Variants in IL15RA observed in about 807,000 individuals in gnomAD.
The protein encoded by IL15RA is interleukin-15 receptor subunit alpha.
In IL15RA, 26 loss-of-function variants were observed where a neutral mutation model predicts 24.2. The ratio of observed to expected loss-of-function variants is 1.07; its 90% CI spans 0.79 to 1.49. The LOEUF (loss-of-function observed/expected upper bound fraction) is 1.49. Ranked by LOEUF, IL15RA falls within the 40% of genes most tolerant of loss-of-function variation. The pLI is 0.00. For synonymous variants in IL15RA, 166 were observed against 157.6 expected, an observed-to-expected ratio of 1.05 and a Z score of -0.40; for missense variants, 354 against 356.4, an observed-to-expected ratio of 0.99 and a Z score of 0.05.
rs189499456 is a variant in IL15RA at position 5,952,930 on chromosome 10, G to A, written c.*165C>T. On this transcript the variant is annotated 3_prime_UTR_variant, in exon 7 of 7. Coordinates refer to ENST00000379977, the MANE Select transcript of IL15RA (RefSeq NM_002189.4). Reference sequence around the variant, plus strand: ...GAATGCGGAGAACCTGCTCCCTCGCGCAGGAGGCGCCGACCCGGCAGTCCG... The same window carrying A: ...GAATGCGGAGAACCTGCTCCCTCGCACAGGAGGCGCCGACCCGGCAGTCCG... 4.3e-4 allele frequency: 270 copies of A among 630,248 alleles called. 1 individual carries two copies. In the African/African-American group the frequency reaches 4.5e-3, roughly 11 times the overall value. The allele number at this position is 630,248 out of a possible 1,614,324, so 39.0% of individuals were successfully genotyped here.
rs1457321900 is a variant in IL15RA at position 5,960,068 on chromosome 10, T to C, written c.584-282A>G. Among the ~76,000 whole-genome samples the C allele has an allele frequency of 2.0e-5, 3 of 152,152 alleles. No homozygotes were observed. The highest frequency in any genetic ancestry group is 4.8e-5 in the African/African-American group (2 of 41,450). ...TGTAGGCAGCTTCACCACCTCCTAC[T>C]GCAGGAGGGCACAGATGCCACTCCC... On this transcript the variant is annotated intron_variant, in intron 4 of 6. Coordinates refer to ENST00000379977, the MANE Select transcript of IL15RA (RefSeq NM_002189.4). This position sits in a 1 kb window ranked among gnomAD's most constrained non-coding sequence, Gnocchi z 5.1.
intron 1 of IL15RA, chr10:5,976,995 G>T: frequency 6.0e-6 from 1 of 167,722 alleles, no homozygotes; most frequent in Non-Finnish European, 1.3e-5. Flanking sequence ...ACCCCTCCGA[G>T]GACCGCGTGC....
At chr10:5,972,043 C>A (rs1837695320) in intron 1 of IL15RA, among the ~76,000 whole-genome samples, 1 of 152,218 alleles carries the variant, frequency 6.6e-6, no homozygotes, top group Non-Finnish European at 1.5e-5. Flanking sequence ...TGCATTGACA[C>A]CGCCTGTGTT....
At position 5,964,754 on chromosome 10, in the gene IL15RA, T is replaced by C. The variant is rs955788406; in HGVS notation, c.284-913A>G. On this transcript the variant is annotated intron_variant, in intron 2 of 6. Coordinates refer to ENST00000379977, the MANE Select transcript of IL15RA (RefSeq NM_002189.4). This position sits in a 1 kb window ranked among gnomAD's most constrained non-coding sequence, Gnocchi z 5.6. ...TGCCCTGCAGTGAGAAAGCCCTCAT[T>C]TTACCTCGGGCAGACAGGTTCCAGG... Among the ~76,000 whole-genome samples the C allele has an allele frequency of 1.3e-5, 2 of 152,162 alleles. No individual in the cohort carries two copies. The highest frequency in any genetic ancestry group is 2.9e-5 in the Non-Finnish European group (2 of 68,022).
chr10:5,970,339 G>A lies in IL15RA; in HGVS notation c.89-4000C>T, dbSNP rs1386064123. On this transcript the variant is annotated intron_variant, in intron 1 of 6. Coordinates refer to ENST00000379977, the MANE Select transcript of IL15RA (RefSeq NM_002189.4). The surrounding 1 kb of genome is among the most constrained non-coding windows in gnomAD (Gnocchi z 4.1). Reference sequence around the variant, plus strand: ...TGTTCTATGTTTTGCTTTGACATATGTTATACCCCATGACACATTGTTATT... The same window carrying A: ...TGTTCTATGTTTTGCTTTGACATATATTATACCCCATGACACATTGTTATT... 2.0e-5 allele frequency among the ~76,000 whole-genome samples: 3 copies of A among 152,066 alleles called. No homozygotes were observed. Among genetic ancestry groups the A allele is most frequent in the Admixed American group, 6.6e-5 (1 of 15,254 alleles).
In IL15RA at chr10:5,966,002, T is replaced by C. The variant is rs1836455848; in HGVS notation, c.283+143A>G. 1 of 545,900 alleles carries C rather than the reference T, an allele frequency of 1.8e-6. No individual in the cohort carries two copies. Among genetic ancestry groups the C allele is most frequent in the Non-Finnish European group, 3.2e-6 (1 of 310,248 alleles). 33.8% of individuals were successfully genotyped at this position (545,900 alleles called of 1,614,324 possible). ...TCCCAAAGTGCTGGGATTACAGGTG[T>C]GAGCCACCGTGCCCGGCCCCCACTG... On this transcript the variant is annotated intron_variant, in intron 2 of 6. Coordinates refer to ENST00000379977, the MANE Select transcript of IL15RA (RefSeq NM_002189.4). The surrounding 1 kb of genome is among the most constrained non-coding windows in gnomAD (Gnocchi z 6.4).
rs1285029034 is a variant in IL15RA, at chr10:5,965,927, GC to G, written c.283+217del. On this transcript the variant is annotated intron_variant, in intron 2 of 6. Transcript: ENST00000379977. This position sits in a 1 kb window ranked among gnomAD's most constrained non-coding sequence, Gnocchi z 5.8. ...GTAGAAACGGGGTTTCACCATGTTG[GC>G]CGGGCTGATCTGGAACTCCTGACTT... 6.6e-6 allele frequency among the ~76,000 whole-genome samples: 1 copy of G among 152,076 alleles called. No individual in the cohort carries two copies.
rs568071514 is a variant in IL15RA at position 5,964,514 on chromosome 10, G to A, written c.284-673C>T. On this transcript the variant is annotated intron_variant, in intron 2 of 6. Coordinates refer to ENST00000379977, the MANE Select transcript of IL15RA (RefSeq NM_002189.4). The surrounding 1 kb of genome is among the most constrained non-coding windows in gnomAD (Gnocchi z 5.6). Reference sequence around the variant, plus strand: ...GAAAAAAGTCATTCAAAGCACAAGAGTTTGGGAAGCATAACAGAGGGAGTT... The same window carrying A: ...GAAAAAAGTCATTCAAAGCACAAGAATTTGGGAAGCATAACAGAGGGAGTT... Among the ~76,000 whole-genome samples, 86 of 152,288 alleles carry A rather than the reference G, an allele frequency of 5.6e-4. No homozygotes were observed. Among genetic ancestry groups the A allele is most frequent in the African/African-American group, 2.0e-3 (84 of 41,558 alleles).
chr10:5,974,731 G>T (rs1426340640), intron 1 of IL15RA, among the ~76,000 whole-genome samples: 1 of 151,894 alleles, frequency 6.6e-6, no homozygotes, highest in Non-Finnish European at 1.5e-5. Flanking sequence ...ACAAAAATTA[G>T]CCGGGCGTAG....
rs1424945390 is a variant in IL15RA at position 5,973,835 on chromosome 10, A to T, written c.88+3570T>A. ...AATTAATAAATTAGACTTCATAAAA[A>T]TTAAAAACTTCTGCTTTTCAAAAGA... On this transcript the variant is annotated intron_variant, in intron 1 of 6. Transcript: ENST00000379977. This position sits in a 1 kb window ranked among gnomAD's most constrained non-coding sequence, Gnocchi z 4.5. Among the ~76,000 whole-genome samples, 2 of 152,230 alleles carry T rather than the reference A, an allele frequency of 1.3e-5. No homozygotes were observed. The highest frequency in any genetic ancestry group is 1.3e-4 in the Admixed American group (2 of 15,284).
rs1835002962 is a variant in IL15RA at position 5,958,927 on chromosome 10, C to T, written c.616+827G>A. ...AGCATGACTTGCATTCTTCTCATTA[C>T]CTGCGTTCTTCCTCCCTGCCTGCTT... On this transcript the variant is annotated intron_variant, in intron 5 of 6. Transcript: ENST00000379977. This position sits in a 1 kb window ranked among gnomAD's most constrained non-coding sequence, Gnocchi z 4.3. Among the ~76,000 whole-genome samples, 1 of 152,050 alleles carries T rather than the reference C, an allele frequency of 6.6e-6. No homozygotes were observed. The highest frequency in any genetic ancestry group is 1.5e-5 in the Non-Finnish European group (1 of 68,004).
In IL15RA at chr10:5,958,299, A is replaced by C. The variant is rs918361323; in HGVS notation, c.616+1455T>G. 3 of 454,322 alleles carry C rather than the reference A, an allele frequency of 6.6e-6. No homozygotes were observed. Among genetic ancestry groups the C allele is most frequent in the African/African-American group, 6.0e-5 (3 of 50,020 alleles). 28.1% of individuals were successfully genotyped at this position (454,322 alleles called of 1,614,324 possible). On this transcript the variant is annotated intron_variant, in intron 5 of 6. Coordinates refer to ENST00000379977, the MANE Select transcript of IL15RA (RefSeq NM_002189.4). This position sits in a 1 kb window ranked among gnomAD's most constrained non-coding sequence, Gnocchi z 4.3. ...CCTTATCCTCTATATGTTTATTTAT[A>C]CAGTCTCTCTGGAAGGATGCCTGGA...
rs571169031 is a variant in IL15RA at position 5,969,553 on chromosome 10, A to G, written c.89-3214T>C. Among the ~76,000 whole-genome samples the G allele has an allele frequency of 2.1e-3, 319 of 151,914 alleles. 3 individuals are homozygous for G. The highest frequency in any genetic ancestry group is 4.8e-3 in the Admixed American group (73 of 15,254). The stretch of plus-strand genomic sequence containing the variant: ...ATGCCCAGCTAGTTATTATTTTTTT[A>G]ATTTGTAGAGATGAGGTCTTGCTAT... On this transcript the variant is annotated intron_variant, in intron 1 of 6. Transcript: ENST00000379977.
At position 5,963,814 on chromosome 10, in the gene IL15RA, G is replaced by A. The variant is rs1224725792; in HGVS notation, c.311C>T (p.Pro104Leu). 1 of 1,550,076 alleles carries A rather than the reference G, an allele frequency of 6.5e-7. No individual in the cohort carries two copies. Among genetic ancestry groups the A allele is most frequent in the Admixed American group, 2.2e-5 (1 of 45,140 alleles). ...IRDPALVHQR[P>L]APPSTVTTAG... ...CGTCGTTACTGTGGAGGGTGGCGCT[G>A]GCCTTTGGTGAACCAGGGCAGGGTC... is the stretch of plus-strand genomic sequence containing the variant. The change falls in exon 3 of 7, where the codon CCA (proline) becomes CTA (leucine). Residue 104 changes from proline to leucine, a missense_variant. Physicochemically the swap from Pro to Leu is moderately conservative, Grantham distance 98. Transcript: ENST00000379977. The surrounding 1 kb of genome is among the most constrained non-coding windows in gnomAD (Gnocchi z 5.3).
chr10:5,960,664 C>T lies in IL15RA; in HGVS notation c.383-97G>A. The T allele has an allele frequency of 1.1e-6, 1 of 949,904 alleles. No individual in the cohort carries two copies. The highest frequency in any genetic ancestry group is 1.5e-5 in the South Asian group (1 of 68,272). The allele number at this position is 949,904 out of a possible 1,614,324, so 58.8% of individuals were successfully genotyped here. On this transcript the variant is annotated intron_variant, in intron 3 of 6. Transcript: ENST00000379977. The surrounding 1 kb of genome is among the most constrained non-coding windows in gnomAD (Gnocchi z 5.1). ...ATGTGGGAGCTGCCATAGTGAGTCA[C>T]CCTGACCAGCCCTCCCTCTCTCACA...
At chr10:5,950,053 A>G (rs182343101), downstream of IL15RA, among the ~76,000 whole-genome samples, 392 of 152,136 alleles carry the variant, frequency 2.6e-3, 2 homozygotes, top group Admixed American at 6.9e-3. The surrounding 1 kb of genome is among the most constrained non-coding windows in gnomAD (Gnocchi z 5.6). Flanking sequence ...CTGAGATTGC[A>G]CCATTGCACT....
rs946750780 is a variant in IL15RA at position 5,959,063 on chromosome 10, C to A, written c.616+691G>T. Among the ~76,000 whole-genome samples, 1 of 152,018 alleles carries A rather than the reference C, an allele frequency of 6.6e-6. No homozygotes were observed. The highest frequency in any genetic ancestry group is 1.5e-5 in the Non-Finnish European group (1 of 68,006). ...CTTTTCCTCCTTATCATCACTTGCA[C>A]GTTCTCTTTTCTATTCTCCTAGCCT... On this transcript the variant is annotated intron_variant, in intron 5 of 6. Transcript: ENST00000379977. This position sits in a 1 kb window ranked among gnomAD's most constrained non-coding sequence, Gnocchi z 4.1.
rs977692992 is a variant in IL15RA at position 5,962,055 on chromosome 10, G to C, written c.383-1488C>G. 6.6e-6 allele frequency among the ~76,000 whole-genome samples: 1 copy of C among 152,192 alleles called. No individual in the cohort carries two copies. Among genetic ancestry groups the C allele is most frequent in the Admixed American group, 6.5e-5 (1 of 15,268 alleles). On this transcript the variant is annotated intron_variant, in intron 3 of 6. Transcript: ENST00000379977. The surrounding 1 kb of genome is among the most constrained non-coding windows in gnomAD (Gnocchi z 5.2). ...GCTTCTGACTGCACCATTGTGTCTC[G>C]ACAATGGCCATCGGACCAGGTATTG...
At chr10:5,949,719 A>G (rs1168830968), downstream of IL15RA, among the ~76,000 whole-genome samples, 2 of 152,214 alleles carry the variant, frequency 1.3e-5, no homozygotes, top group Non-Finnish European at 2.9e-5. This position sits in a 1 kb window ranked among gnomAD's most constrained non-coding sequence, Gnocchi z 4.4. Context: ...TTAAAAAGTT[A>G]GGCAGGAAGA....
Sources: gnomAD v4.1 joint callset for allele counts (sites outside exome capture counted in the v4.1 genomes callset) on GRCh38, gnomAD v4.1.1 for gene constraint, Gnocchi (gnomAD v3.1) non-coding constraint, MANE v1.5 for transcripts, NCBI Gene and HGNC (gene_info 2026-07-23, HGNC 2026-07-21) for gene names.